Variants in ARHGAP35 observed in about 807,000 individuals in gnomAD.
ARHGAP35 encodes rho GTPase-activating protein 35.
ARHGAP35 carries 15 observed loss-of-function variants against 111.1 expected under a neutral mutation model. The observed-to-expected ratio is 0.13, with a 90% confidence interval of 0.09 to 0.21. The LOEUF (loss-of-function observed/expected upper bound fraction) is 0.21, where lower values mean the gene tolerates loss of function less well. ARHGAP35 is among the 10% of genes least tolerant of loss of function. ARHGAP35 has a pLI of 1.00. For synonymous variants in ARHGAP35, 643 were observed against 710.3 expected, an observed-to-expected ratio of 0.91 and a Z score of 1.51; for missense variants, 1,262 against 1,873.0, an observed-to-expected ratio of 0.67 and a Z score of 6.02.
intron 3 of ARHGAP35, among the ~76,000 whole-genome samples, chr19:46,956,002 G>A (rs1362083677): frequency 6.6e-6 from 1 of 152,158 alleles, no homozygotes; most frequent in African/African-American, 2.4e-5. Flanking sequence ...CTGACCCCAT[G>A]TGGTCACAGT....
chr19:46,959,030 G>GTTGTTGT (rs113568317), intron 3 of ARHGAP35, among the ~76,000 whole-genome samples: 5 of 151,932 alleles, frequency 3.3e-5, no homozygotes, highest in Non-Finnish European at 7.4e-5. Flanking sequence ...ACGAAGTACA[G>GTTGTTGT]TTAAGTAAAA....
Position 46,991,067 on chromosome 19 carries a change from C to T in ARHGAP35, c.4036+1392C>T, listed in dbSNP as rs1373540324. ...TCTGAAGACGGGAGTCAGGGTTTCT[C>T]CAGGGGAGTTAGTGGGTGGGGACAG... is the stretch of plus-strand genomic sequence containing the variant. On this transcript the variant is annotated intron_variant, in intron 5 of 6. Transcript: ENST00000672722. Among the ~76,000 whole-genome samples, 3 of 152,142 alleles carry T rather than the reference C, an allele frequency of 2.0e-5. No homozygotes were observed. The East Asian group carries it at 5.8e-4, about 29-fold the overall frequency.
At chr19:46,911,037 A>G (rs533923806) in intron 1 of ARHGAP35, among the ~76,000 whole-genome samples, 2 of 152,312 alleles carry the variant, frequency 1.3e-5, no homozygotes, top group African/African-American at 4.8e-5. Flanking sequence ...CTCAGAGTAA[A>G]CATACAGCTT....
chr19:46,889,898 T>C (rs942231355), intron 1 of ARHGAP35, among the ~76,000 whole-genome samples: 1 of 152,166 alleles, frequency 6.6e-6, no homozygotes, highest in African/African-American at 2.4e-5. Flanking sequence ...TAGTGAGACA[T>C]GGCTAGACGT....
At chr19:46,899,550 G>T (rs12609293) in intron 1 of ARHGAP35, among the ~76,000 whole-genome samples, 1 of 151,882 alleles carries the variant, frequency 6.6e-6, no homozygotes, top group Non-Finnish European at 1.5e-5. Flanking sequence ...ACAAAAATTA[G>T]CCGGGCATGG....
chr19:46,992,469 G>A lies in ARHGAP35; in HGVS notation c.4036+2794G>A, dbSNP rs2056684369. ...GCAGAAGAAAAGGCTTGCGCTGCCT[G>A]TTCTGTCTCCTACCTGTAGCCCACC... On this transcript the variant is annotated intron_variant, in intron 5 of 6. Transcript: ENST00000672722. The surrounding 1 kb of genome is among the most constrained non-coding windows in gnomAD (Gnocchi z 4.4). 6.6e-6 allele frequency among the ~76,000 whole-genome samples: 1 copy of A among 152,306 alleles called. No individual in the cohort carries two copies. Among genetic ancestry groups the A allele is most frequent in the African/African-American group, 2.4e-5 (1 of 41,576 alleles).
chr19:46,960,938 A>C (rs1452521122), intron 3 of ARHGAP35, among the ~76,000 whole-genome samples: 1 of 143,342 alleles, frequency 7.0e-6, no homozygotes, highest in Non-Finnish European at 1.5e-5. Context: ...CCTGTCCCCT[A>C]GGCTGGAGTG....
At position 46,986,359 on chromosome 19, in the gene ARHGAP35, C is replaced by G. The variant is rs775693635; in HGVS notation, c.3827-1630C>G. 6.6e-6 allele frequency among the ~76,000 whole-genome samples: 1 copy of G among 152,126 alleles called. No individual in the cohort carries two copies. Among genetic ancestry groups the G allele is most frequent in the Non-Finnish European group, 1.5e-5 (1 of 68,030 alleles). ...TCCCTTGATATTTTATTCTAACTTA[C>G]GTATTTAATTGACTTTTACTACTTT... On this transcript the variant is annotated intron_variant, in intron 3 of 6. Coordinates refer to ENST00000672722, the MANE Select transcript of ARHGAP35 (RefSeq NM_004491.5). This position sits in a 1 kb window ranked among gnomAD's most constrained non-coding sequence, Gnocchi z 4.3.
intron 1 of ARHGAP35, among the ~76,000 whole-genome samples, chr19:46,896,339 C>T (rs1017979632): frequency 2.6e-5 from 4 of 152,198 alleles, no homozygotes; most frequent in African/African-American, 9.7e-5. Context: ...GTTATTGCGC[C>T]ACTGCACCTG....
chr19:46,917,352 A>G (rs553389956), intron 1 of ARHGAP35, among the ~76,000 whole-genome samples: 16 of 152,368 alleles, frequency 1.1e-4, no homozygotes, highest in Admixed American at 1.0e-3. Flanking sequence ...TTACGCCTGT[A>G]ATCCCAGAAC....
intron 1 of ARHGAP35, among the ~76,000 whole-genome samples, chr19:46,894,997 T>G (rs1044189946): frequency 2.0e-5 from 3 of 152,192 alleles, no homozygotes; most frequent in African/African-American, 7.2e-5. Flanking sequence ...TGAATACTGC[T>G]AGTTGGTAGG....
chr19:46,965,083 C>T (rs1045438357), intron 3 of ARHGAP35, among the ~76,000 whole-genome samples: 3 of 152,140 alleles, frequency 2.0e-5, no homozygotes, highest in South Asian at 2.1e-4. Flanking sequence ...GAGGCCGAGG[C>T]GGGCGGATCA....
intron 2 of ARHGAP35, among the ~76,000 whole-genome samples, chr19:46,932,814 C>A (rs2056280569): frequency 6.6e-6 from 1 of 152,154 alleles, no homozygotes; most frequent in Non-Finnish European, 1.5e-5. Context: ...GATGCTACTG[C>A]AAAAGCTTAC....
rs867846142 is a variant in ARHGAP35, at chr19:46,993,330, G to A, written c.4036+3655G>A. On this transcript the variant is annotated intron_variant, in intron 5 of 6. Transcript: ENST00000672722. The surrounding 1 kb of genome is among the most constrained non-coding windows in gnomAD (Gnocchi z 4.6). ...CGATGCAGGCGTGCAGATGGTCAGCGGCGGCCAGCAGGGACTTTCCTCCAG... is the reference window on the plus strand; with the variant it reads ...CGATGCAGGCGTGCAGATGGTCAGCAGCGGCCAGCAGGGACTTTCCTCCAG... Among the ~76,000 whole-genome samples the A allele has an allele frequency of 4.6e-5, 7 of 152,344 alleles. No homozygotes were observed. Among genetic ancestry groups the A allele is most frequent in the Middle Eastern group, 3.4e-3 (1 of 294 alleles).
At position 47,000,722 on chromosome 19, in the gene ARHGAP35, CCT is replaced by C. The variant is rs762759784; in HGVS notation, c.*41_*42del. ...GACCTGGGGCGACAGGAGAACCGGT[CCT>C]CTCTCTGACGGGGTGGCATTTGGCC... On this transcript the variant is annotated 3_prime_UTR_variant, in exon 7 of 7. Transcript: ENST00000672722. The surrounding 1 kb of genome is among the most constrained non-coding windows in gnomAD (Gnocchi z 6.9). 2.6e-6 allele frequency: 4 copies of C among 1,535,454 alleles called. No homozygotes were observed. Among genetic ancestry groups the C allele is most frequent in the South Asian group, 2.5e-5 (2 of 79,684 alleles).
At chr19:46,976,508 G>T (rs553364117) in intron 3 of ARHGAP35, among the ~76,000 whole-genome samples, 1 of 152,318 alleles carries the variant, frequency 6.6e-6, no homozygotes, top group African/African-American at 2.4e-5. Context: ...AGTAACCCTG[G>T]CCTTCCATCC....
At chr19:46,905,492 C>A (rs2056102160) in intron 1 of ARHGAP35, among the ~76,000 whole-genome samples, 1 of 151,620 alleles carries the variant, frequency 6.6e-6, no homozygotes, top group Non-Finnish European at 1.5e-5. Context: ...TCTCCTGCCT[C>A]AGCCTCCCGA....
chr19:46,869,683 C>T (rs181944473), intron 1 of ARHGAP35, among the ~76,000 whole-genome samples: 33 of 152,038 alleles, frequency 2.2e-4, no homozygotes, highest in Admixed American at 6.6e-5. Context: ...GTTCTTTGTT[C>T]AGTAACAAAT....
chr19:46,885,018 C>T lies in ARHGAP35; in HGVS notation c.-189+23809C>T, dbSNP rs550611280. On this transcript the variant is annotated intron_variant, in intron 1 of 6. Coordinates refer to ENST00000672722, the MANE Select transcript of ARHGAP35 (RefSeq NM_004491.5). ...TAGGCTTGAGCCACTGTGCCTGGCC[C>T]AGGGGTCTATATCTAAATCCTAAAG... Among the ~76,000 whole-genome samples, 6 of 152,276 alleles carry T rather than the reference C, an allele frequency of 3.9e-5. No homozygotes were observed. The East Asian group carries it at 1.2e-3, about 29-fold the overall frequency.
Sources: allele counts gnomAD v4.1 joint callset (sites outside exome capture counted in the v4.1 genomes callset), GRCh38; gene constraint gnomAD v4.1.1; non-coding constraint Gnocchi (gnomAD v3.1); transcripts MANE v1.5; gene names NCBI Gene and HGNC (gene_info 2026-07-23, HGNC 2026-07-21).